The following CRACDL variants were observed in gnomAD, a reference collection of about 807,000 sequenced individuals.
CRACDL encodes CRACD-like protein.
In CRACDL, 26 loss-of-function variants were observed where a neutral mutation model predicts 70.6. The ratio of observed to expected loss-of-function variants is 0.37; its 90% confidence interval spans 0.27 to 0.51. The LOEUF is 0.51. CRACDL is among the 20% of genes least tolerant of loss of function. The pLI, the probability that CRACDL is intolerant of heterozygous loss-of-function variation, is 0.94. For synonymous variants in CRACDL, 618 were observed against 615.2 expected (o/e 1.00, Z -0.07); for missense variants, 1,283 against 1,376.9 (o/e 0.93, Z 1.08).
At chr2:98,862,120 T>C (rs981217599) in intron 1 of CRACDL, among the ~76,000 whole-genome samples, 1 of 152,098 alleles carries the variant, frequency 6.6e-6, no homozygotes, top group Non-Finnish European at 1.5e-5. Flanking sequence ...AAAGACTAGG[T>C]CACTCAAAAG....
Position 98,866,472 on chromosome 2 carries a change from C to CTTTTTTTTTTTTTT in CRACDL, c.-10-19663_-10-19662insAAAAAAAAAAAAAA, listed in dbSNP as rs869154325. 1.9e-5 allele frequency among the ~76,000 whole-genome samples: 2 copies of CTTTTTTTTTTTTTT among 107,812 alleles called. 1 individual carries two copies. The allele number at this position is 107,812 out of a possible 152,430, so 70.7% of individuals were successfully genotyped here. A position where few individuals can be genotyped will look rare whatever the true frequency, so the allele number is the denominator to read the frequency against. ...CACCTGATAGATGAAACAATCACTT[C>CTTTTTTTTTTTTTT]TTCTTTTTTTTTTTTTTTTTTTTTT... is the stretch of plus-strand genomic sequence containing the variant. On this transcript the variant is annotated intron_variant, in intron 1 of 9. Transcript: ENST00000397899.
At chr2:98,885,537 C>T (rs1263227765) in intron 1 of CRACDL, among the ~76,000 whole-genome samples, 1 of 152,106 alleles carries the variant, frequency 6.6e-6, no homozygotes, top group Non-Finnish European at 1.5e-5. Flanking sequence ...GAAAATATGA[C>T]TGACAGGGTG....
At chr2:98,841,037 A>AAAATCTG (rs1193152036) in intron 2 of CRACDL, among the ~76,000 whole-genome samples, 2 of 152,150 alleles carry the variant, frequency 1.3e-5, no homozygotes, top group Non-Finnish European at 2.9e-5. Context: ...AAAATCTGAA[A>AAAATCTG]AAATCTGAAA....
intron 1 of CRACDL, among the ~76,000 whole-genome samples, chr2:98,892,983 C>T (rs1054789515): frequency 1.3e-5 from 2 of 152,192 alleles, no homozygotes; most frequent in Admixed American, 6.5e-5. Context: ...GCCTCTCCAC[C>T]GCCAGCTCAC....
intron 1 of CRACDL, among the ~76,000 whole-genome samples, chr2:98,857,664 T>C (rs1354878747): frequency 6.6e-6 from 1 of 152,076 alleles, no homozygotes; most frequent in Admixed American, 6.6e-5. Flanking sequence ...CTGATATAAA[T>C]AGAAAACAAA....
At chr2:98,891,371 C>T (rs1451542785) in intron 1 of CRACDL, among the ~76,000 whole-genome samples, 5 of 45,602 alleles carry the variant, frequency 1.1e-4, no homozygotes, top group African/African-American at 1.7e-4. Flanking sequence ...AGGGAGACTC[C>T]GTCTCAAAAA....
chr2:98,808,691 C>T (rs1704425527), intron 7 of CRACDL, among the ~76,000 whole-genome samples: 1 of 152,208 alleles, frequency 6.6e-6, no homozygotes, highest in Non-Finnish European at 1.5e-5. Context: ...ATACCCTTGG[C>T]CCTGCTCAGA....
At chr2:98,931,324 C>CAAAAAAAAA (rs530900049) in intron 1 of CRACDL, among the ~76,000 whole-genome samples, 1 of 96,262 alleles carries the variant, frequency 1.0e-5, no homozygotes. Context: ...GACTCCATCT[C>CAAAAAAAAA]AAAAAAAAAA....
intron 1 of CRACDL, among the ~76,000 whole-genome samples, chr2:98,884,503 C>T (rs1707749606): frequency 6.6e-6 from 1 of 152,194 alleles, no homozygotes; most frequent in Non-Finnish European, 1.5e-5. Flanking sequence ...TGCCACCTGA[C>T]CCAACTCCAG....
intron 1 of CRACDL, among the ~76,000 whole-genome samples, chr2:98,906,879 G>A (rs1321874012): frequency 1.3e-5 from 2 of 152,264 alleles, no homozygotes; most frequent in East Asian, 3.9e-4. Context: ...GTTTTGTTAT[G>A]GAGAGTTTAG....
At chr2:98,826,434 A>G (rs1349795140) in intron 6 of CRACDL, among the ~76,000 whole-genome samples, 2 of 152,242 alleles carry the variant, frequency 1.3e-5, no homozygotes, top group Admixed American at 1.3e-4. Context: ...GAAGACTGGC[A>G]ATAAGAGCAC....
chr2:98,843,830 T>C (rs1706135813), intron 2 of CRACDL, among the ~76,000 whole-genome samples: 1 of 152,218 alleles, frequency 6.6e-6, no homozygotes. Flanking sequence ...AAAATTGTTT[T>C]ACCTATTCTA....
At position 98,823,569 on chromosome 2, in the gene CRACDL, C is replaced by G; in HGVS notation, c.736-32G>C. ...GAAATAAAGATAAAAAGCATCGTCG[C>G]TATAGCCAATTCCAGGAAGCCTGTC... On this transcript the variant is annotated intron_variant, in intron 6 of 9. Transcript: ENST00000397899. The surrounding 1 kb of genome is among the most constrained non-coding windows in gnomAD (Gnocchi z 4.0). 2 of 1,539,894 alleles carry G rather than the reference C, an allele frequency of 1.3e-6. No individual in the cohort carries two copies. Among genetic ancestry groups the G allele is most frequent in the African/African-American group, 2.7e-5 (2 of 73,266 alleles).
intron 1 of CRACDL, among the ~76,000 whole-genome samples, chr2:98,883,209 C>T (rs889509394): frequency 2.6e-5 from 4 of 152,150 alleles, no homozygotes; most frequent in East Asian, 3.8e-4. Flanking sequence ...GGAGCAGGGG[C>T]GGGGTGCCCT....
At chr2:98,923,913 G>A (rs1243135978) in intron 1 of CRACDL, among the ~76,000 whole-genome samples, 1 of 152,176 alleles carries the variant, frequency 6.6e-6, no homozygotes, top group African/African-American at 2.4e-5. Context: ...AGGCCATCCT[G>A]GATATTGATC....
intron 1 of CRACDL, among the ~76,000 whole-genome samples, chr2:98,903,923 A>C (rs1215271365): frequency 6.6e-6 from 1 of 152,208 alleles, no homozygotes; most frequent in Non-Finnish European, 1.5e-5. Context: ...CCCGGCCCTC[A>C]GCCTGGGTGA....
At chr2:98,916,832 G>A (rs1357378451) in intron 1 of CRACDL, among the ~76,000 whole-genome samples, 1 of 152,210 alleles carries the variant, frequency 6.6e-6, no homozygotes, top group Admixed American at 6.5e-5. Context: ...GGGCAGAGCA[G>A]CTGCCTGTTG....
intron 1 of CRACDL, among the ~76,000 whole-genome samples, chr2:98,853,895 G>A (rs909731999): frequency 1.3e-5 from 2 of 152,002 alleles, no homozygotes; most frequent in African/African-American, 2.4e-5. Context: ...TAGCTAAAAC[G>A]CTAAAATAAA....
chr2:98,795,077 A>ATATTTTTTTTTTTTTTT, intron 9 of CRACDL, among the ~76,000 whole-genome samples: 22 of 58,486 alleles, frequency 3.8e-4, no homozygotes, highest in East Asian at 6.1e-4. Context: ...ATATATATAT[A>ATATTTTTTTTTTTTTTT]TTTTTTTTTT....
Sources: gnomAD v4.1 joint callset for allele counts (sites outside exome capture counted in the v4.1 genomes callset) on GRCh38, gnomAD v4.1.1 for gene constraint, Gnocchi (gnomAD v3.1) non-coding constraint, MANE v1.5 for transcripts, NCBI Gene and HGNC (gene_info 2026-07-23, HGNC 2026-07-21) for gene names.